AUTS2: variants seen among roughly 807,000 people sequenced by gnomAD.
The protein encoded by AUTS2 is autism susceptibility gene 2 protein.
Under a neutral mutation model 112.4 loss-of-function variants are expected in AUTS2, and 17 were observed. That is an observed-to-expected ratio of 0.15 (90% confidence interval 0.10 to 0.23). The LOEUF is 0.23. Among genes scored for constraint, AUTS2 ranks in the 10% least tolerant of loss-of-function variants. The probability of loss-of-function intolerance (pLI) is 1.00; values close to 1 mark genes in which losing one functional copy is unlikely to be tolerated. For missense variants in AUTS2, 1,510 were observed against 1,701.6 expected (o/e 0.89, Z 1.98); for synonymous variants, 751 against 702.7 (o/e 1.07, Z -1.09).
At chr7:70,493,383 A>AT (rs1798325666) in intron 5 of AUTS2, among the ~76,000 whole-genome samples, 1 of 152,226 alleles carries the variant, frequency 6.6e-6, no homozygotes, top group African/African-American at 2.4e-5. Flanking sequence ...GATGGGCTGG[A>AT]TGGCTAAGTG....
intron 5 of AUTS2, among the ~76,000 whole-genome samples, chr7:70,460,636 C>A (rs1177782124): frequency 2.6e-5 from 4 of 152,116 alleles, no homozygotes; most frequent in African/African-American, 9.7e-5. Context: ...CAAGCCTGAG[C>A]CACCCCACCC....
At chr7:70,115,134 A>G (rs1805291929) in intron 2 of AUTS2, among the ~76,000 whole-genome samples, 1 of 152,130 alleles carries the variant, frequency 6.6e-6, no homozygotes, top group South Asian at 2.1e-4. Flanking sequence ...ATTTAGTCAG[A>G]TAATTTACGT....
chr7:70,555,398 G>A (rs1212857955), intron 5 of AUTS2, among the ~76,000 whole-genome samples: 1 of 152,224 alleles, frequency 6.6e-6, no homozygotes, highest in Non-Finnish European at 1.5e-5. Flanking sequence ...ATGCTTAAGT[G>A]CAGAACTTCT....
At chr7:70,402,953 G>A (rs1012250691) in intron 4 of AUTS2, among the ~76,000 whole-genome samples, 2 of 152,102 alleles carry the variant, frequency 1.3e-5, no homozygotes, top group African/African-American at 4.8e-5. Context: ...CCCTAGTTTG[G>A]ATTTTAAATG....
chr7:70,131,271 T>A (rs1806257749), intron 3 of AUTS2, among the ~76,000 whole-genome samples: 1 of 151,918 alleles, frequency 6.6e-6, no homozygotes, highest in South Asian at 2.1e-4. Context: ...GGCAACATAG[T>A]GAGATGCTAT....
rs554876483 is a variant in AUTS2 at position 70,055,747 on chromosome 7, T to C, written c.523-62385T>C. Reference sequence around the variant, plus strand: ...GTGGGTATTGTTAGTCTTTTCCCTCTAAGTTTCCCCAATGTCCAAAGAATT... The same window carrying C: ...GTGGGTATTGTTAGTCTTTTCCCTCCAAGTTTCCCCAATGTCCAAAGAATT... On this transcript the variant is annotated intron_variant, in intron 2 of 18. Transcript: ENST00000342771. Among the ~76,000 whole-genome samples, 8 of 152,306 alleles carry C rather than the reference T, an allele frequency of 5.3e-5. No homozygotes were observed. In the South Asian group the frequency reaches 1.7e-3, roughly 32 times the overall value.
chr7:70,092,029 A>G (rs1347293980), intron 2 of AUTS2, among the ~76,000 whole-genome samples: 1 of 117,642 alleles, frequency 8.5e-6, no homozygotes, highest in Non-Finnish European at 1.8e-5. Flanking sequence ...CAATCGTCAT[A>G]TCCCCCAAAT....
intron 4 of AUTS2, among the ~76,000 whole-genome samples, chr7:70,173,091 T>C (rs971024525): frequency 6.6e-6 from 1 of 152,014 alleles, no homozygotes; most frequent in Non-Finnish European, 1.5e-5. Flanking sequence ...CACTGGGAGT[T>C]TGGGGAACTT....
chr7:70,337,673 G>A (rs957058091), intron 4 of AUTS2, among the ~76,000 whole-genome samples: 1 of 152,214 alleles, frequency 6.6e-6, no homozygotes, highest in African/African-American at 2.4e-5. Flanking sequence ...TGGCAGGGAA[G>A]TCCCATTAGT....
chr7:70,253,968 A>G (rs1437058319), intron 4 of AUTS2, among the ~76,000 whole-genome samples: 2 of 152,168 alleles, frequency 1.3e-5, no homozygotes, highest in Non-Finnish European at 2.9e-5. Context: ...TTGAAGCCAA[A>G]GCTGAAGTTC....
intron 3 of AUTS2, among the ~76,000 whole-genome samples, chr7:70,129,068 A>G (rs1184135183): frequency 6.6e-6 from 1 of 152,230 alleles, no homozygotes; most frequent in Admixed American, 6.5e-5. Context: ...GAACCACAGC[A>G]GAAGATAACA....
intron 6 of AUTS2, among the ~76,000 whole-genome samples, chr7:70,740,513 C>T (rs1283821078): frequency 6.6e-6 from 1 of 152,052 alleles, no homozygotes; most frequent in Admixed American, 6.6e-5. Flanking sequence ...AATCATGTCT[C>T]ATCATATTCC....
chr7:70,097,501 A>G (rs1356954155), intron 2 of AUTS2, among the ~76,000 whole-genome samples: 2 of 152,220 alleles, frequency 1.3e-5, no homozygotes, highest in African/African-American at 4.8e-5. Context: ...CACTTCCACT[A>G]ATTCCACATT....
intron 7 of AUTS2, 29 bp downstream of exon 7, chr7:70,763,370 CT>C (rs1789701998): frequency 6.7e-7 from 1 of 1,495,454 alleles, no homozygotes. Context: ...TTTGGCCTGA[CT>C]TTTGCCCTCT....
intron 4 of AUTS2, among the ~76,000 whole-genome samples, chr7:70,162,785 A>C (rs1808161326): frequency 6.6e-6 from 1 of 152,210 alleles, no homozygotes; most frequent in Non-Finnish European, 1.5e-5. Flanking sequence ...CATCAGTGCA[A>C]ATCTTACCCT....
intron 5 of AUTS2, among the ~76,000 whole-genome samples, chr7:70,601,693 G>A (rs34873775): frequency 0.063 from 9,554 of 152,134 alleles, 400 homozygotes; most frequent in Middle Eastern, 0.13. Flanking sequence ...GTAGAGAAGC[G>A]GGGACAGGAA....
chr7:69,712,665 A>G (rs1344885928), intron 1 of AUTS2, among the ~76,000 whole-genome samples: 2 of 152,198 alleles, frequency 1.3e-5, no homozygotes, highest in Non-Finnish European at 2.9e-5. Flanking sequence ...GCAGTTATAA[A>G]TAAAGCTGCT....
At chr7:70,553,760 CTTT>C (rs71531706) in intron 5 of AUTS2, among the ~76,000 whole-genome samples, 1 of 56,116 alleles carries the variant, frequency 1.8e-5, no homozygotes, top group Non-Finnish European at 3.1e-5. Context: ...GCCTTTCTTT[CTTT>C]TTTTTTTTTT....
intron 4 of AUTS2, among the ~76,000 whole-genome samples, chr7:70,221,044 A>T (rs1811456476): frequency 6.6e-6 from 1 of 152,130 alleles, no homozygotes; most frequent in South Asian, 2.1e-4. Context: ...CCAGGACCCT[A>T]TGTGTGTTTC....
Sources: allele counts gnomAD v4.1 joint callset (sites outside exome capture counted in the v4.1 genomes callset), GRCh38; gene constraint gnomAD v4.1.1; transcripts MANE v1.5; gene names NCBI Gene and HGNC (gene_info 2026-07-23, HGNC 2026-07-21).